PASD1: variants seen among roughly 807,000 people sequenced by gnomAD.
The protein encoded by PASD1 is PAS domain containing repressor 1, also known as circadian clock protein PASD1.
PASD1 carries 13 observed loss-of-function variants against 58.8 expected under a neutral mutation model. The ratio of observed to expected loss-of-function variants is 0.22; its 90% confidence interval spans 0.14 to 0.35. PASD1 has a LOEUF of 0.35. Among genes scored for constraint, PASD1 ranks in the 10% least tolerant of loss-of-function variants. PASD1 has a pLI of 1.00. For missense variants in PASD1, 734 were observed against 568.3 expected, an observed-to-expected ratio of 1.29 and a Z score of -2.96; for synonymous variants, 236 against 216.7, an observed-to-expected ratio of 1.09 and a Z score of -0.78.
intron 7 of PASD1, among the ~76,000 whole-genome samples, chrX:151,625,099 G>C (rs1412969308): frequency 8.9e-6 from 1 of 112,142 alleles, no homozygotes; most frequent in East Asian, 2.8e-4. Flanking sequence ...TAGGATGTTT[G>C]TTCCATATTA....
intron 4 of PASD1, 39 bp downstream of exon 4, chrX:151,611,792 G>T (rs771269465): frequency 2.9e-6 from 3 of 1,043,792 alleles, no homozygotes; most frequent in Non-Finnish European, 4.0e-6. Flanking sequence ...GATCATTCTG[G>T]TTTGTTGTTT....
At chrX:151,655,748 A>C (rs1006687488) in intron 9 of PASD1, among the ~76,000 whole-genome samples, 3 of 111,264 alleles carry the variant, frequency 2.7e-5, no homozygotes, top group South Asian at 3.8e-4. Context: ...TAGATTCTGG[A>C]TATTAGCCCT....
chrX:151,673,801 C>T lies in PASD1; in HGVS notation c.1917-127C>T, dbSNP rs2014508167. The T allele has an allele frequency of 4.5e-5, 36 of 807,180 alleles. No homozygotes were observed. In the South Asian group the frequency reaches 7.4e-4, roughly 17 times the overall value. 66.5% of individuals were successfully genotyped at this position (807,180 alleles called of 1,213,427 possible). ...AGTCAGGCCAAAGTGAGAATACAAA[C>T]AAGTGAATCCTGTGGTGTAGCCACC... On this transcript the variant is annotated intron_variant, in intron 14 of 15. Transcript: ENST00000370357.
At chrX:151,668,316 T>G (rs1329683318) in intron 11 of PASD1, among the ~76,000 whole-genome samples, 1 of 111,771 alleles carries the variant, frequency 8.9e-6, no homozygotes, top group Non-Finnish European at 1.9e-5. Context: ...GTTTATTGAT[T>G]TGCATATGTT....
At position 151,580,184 on chromosome X, in the gene PASD1, A is replaced by G. The variant is rs1309449503; in HGVS notation, c.-28+16345A>G. Among the ~76,000 whole-genome samples the G allele has an allele frequency of 4.5e-5, 5 of 112,179 alleles. No homozygotes were observed. In the Admixed American group the frequency reaches 4.7e-4, roughly 11 times the overall value. ...TGGAATTTATAAATTTTGACCTTGT[A>G]TTCTAGTTATCTATTTACAAGTCTG... is the stretch of plus-strand genomic sequence containing the variant. On this transcript the variant is annotated intron_variant, in intron 1 of 15. Coordinates refer to ENST00000370357, the MANE Select transcript of PASD1 (RefSeq NM_173493.3).
At chrX:151,629,143 G>A (rs2013833302) in intron 8 of PASD1, among the ~76,000 whole-genome samples, 2 of 110,961 alleles carry the variant, frequency 1.8e-5, no homozygotes, top group Admixed American at 9.5e-5. Flanking sequence ...TTTTTGAGAT[G>A]GAGTCTCACT....
At chrX:151,639,824 T>C in intron 8 of PASD1, among the ~76,000 whole-genome samples, 1 of 111,944 alleles carries the variant, frequency 8.9e-6, no homozygotes, top group Non-Finnish European at 1.9e-5. Context: ...ATTTCTAGAA[T>C]ACAGTCATGT....
intron 8 of PASD1, among the ~76,000 whole-genome samples, chrX:151,632,899 A>G (rs1015605460): frequency 9.0e-6 from 1 of 110,777 alleles, no homozygotes; most frequent in Non-Finnish European, 1.9e-5. Flanking sequence ...AATAAGATCT[A>G]TATGTTTTGT....
At chrX:151,619,551 G>A (rs184256571) in intron 4 of PASD1, among the ~76,000 whole-genome samples, 217 of 111,390 alleles carry the variant, frequency 1.9e-3, no homozygotes, top group African/African-American at 6.4e-3. Flanking sequence ...TAGCCTTTGA[G>A]GTAGAAGTAT....
intron 1 of PASD1, among the ~76,000 whole-genome samples, chrX:151,565,618 C>T (rs1251632223): frequency 1.0e-5 from 1 of 97,547 alleles, no homozygotes; most frequent in African/African-American, 4.1e-5. Flanking sequence ...AGTGCAGTGG[C>T]GTGATCTCGG....
intron 9 of PASD1, among the ~76,000 whole-genome samples, chrX:151,654,325 TTA>T (rs931740471): frequency 9.0e-6 from 1 of 110,520 alleles, no homozygotes; most frequent in African/African-American, 3.3e-5. Flanking sequence ...GTGAAAATGT[TTA>T]TGACTGAGAA....
At position 151,672,584 on chromosome X, in the gene PASD1, C is replaced by T; in HGVS notation, c.1839C>T (p.Val613=). 8.3e-7 allele frequency: 1 copy of T among 1,212,075 alleles called. No homozygotes were observed. The highest frequency in any genetic ancestry group is 3.0e-5 in the East Asian group (1 of 33,829). ...RFLQAQPIVP[V]QRAAEQQPSG... is the part of the protein sequence containing the mutation. ...TACAGGCCCAACCCATTGTTCCTGT[C>T]CAGAGAGCAGCTGAACAACAGCCCT... is the stretch of plus-strand genomic sequence containing the variant. The change falls in exon 14 of 16, where the codon GTC becomes GTT. Residue 613 remains valine (V), a synonymous_variant. Transcript: ENST00000370357.
intron 11 of PASD1, among the ~76,000 whole-genome samples, chrX:151,665,444 G>A: frequency 8.9e-6 from 1 of 112,111 alleles, no homozygotes; most frequent in South Asian, 3.8e-4. Flanking sequence ...ATGTGCTAGT[G>A]TATTAGGCTT....
At chrX:151,622,586 TACACAC>T (rs202044764) in intron 6 of PASD1, among the ~76,000 whole-genome samples, 25 of 96,763 alleles carry the variant, frequency 2.6e-4, no homozygotes, top group African/African-American at 7.5e-4. Context: ...GTGCACAGAT[TACACAC>T]ACACACACAC....
chrX:151,650,762 A>G (rs2014118724), intron 9 of PASD1, among the ~76,000 whole-genome samples: 1 of 111,792 alleles, frequency 8.9e-6, no homozygotes, highest in Admixed American at 9.5e-5. Context: ...TTCTTGAGCA[A>G]TTGGAAATCA....
chrX:151,648,480 A>G (rs12845316), intron 8 of PASD1, 135 bp from the exon 9 acceptor site: 155,302 of 582,348 alleles, frequency 0.27, 17,131 homozygotes, highest in Non-Finnish European at 0.32. Flanking sequence ...TGATACCTCA[A>G]AGATTAATGA....
At chrX:151,604,577 A>G in intron 2 of PASD1, 69 bp from the exon 3 acceptor site, 1 of 766,345 alleles carries the variant, frequency 1.3e-6, no homozygotes, top group Non-Finnish European at 1.9e-6. Context: ...TAACTTTGAA[A>G]AATCTAATAC....
At chrX:151,621,155 T>C (rs2013702808) in intron 5 of PASD1, 126 bp downstream of exon 5, 1 of 423,314 alleles carries the variant, frequency 2.4e-6, no homozygotes, top group Non-Finnish European at 3.9e-6. Flanking sequence ...AATTTACTTT[T>C]ATATAATATT....
intron 1 of PASD1, among the ~76,000 whole-genome samples, chrX:151,589,747 T>C (rs2013220229): frequency 8.9e-6 from 1 of 111,946 alleles, no homozygotes; most frequent in Non-Finnish European, 1.9e-5. Flanking sequence ...ACATTATTTT[T>C]GAGAGGAGTT....
Sources: allele counts gnomAD v4.1 joint callset (sites outside exome capture counted in the v4.1 genomes callset), GRCh38; gene constraint gnomAD v4.1.1; transcripts MANE v1.5; gene names NCBI Gene and HGNC (gene_info 2026-07-23, HGNC 2026-07-21).